The following NOS1 variants were observed in gnomAD, a reference collection of about 807,000 sequenced individuals.
NOS1 encodes the protein NOS type I.
Under a neutral mutation model 164.5 loss-of-function variants are expected in NOS1, and 51 were observed. That is an observed-to-expected ratio of 0.31 (90% CI 0.25 to 0.39). NOS1 has a LOEUF of 0.39. Ranked by LOEUF, NOS1 falls within the 10% of genes least tolerant of loss-of-function variation. NOS1 has a pLI of 1.00. For synonymous variants in NOS1, 719 were observed against 745.8 expected (o/e 0.96, Z 0.59); for missense variants, 1,362 against 1,885.6 (o/e 0.72, Z 5.14).
In NOS1 at chr12:117,288,215, G is replaced by A. The variant is rs779912233; in HGVS notation, c.986C>T (p.Thr329Met). Residue 329 changes from threonine to methionine, a missense_variant, in exon 5 of 29, where the codon ACG (threonine) becomes ATG (methionine). By Grantham distance (81) the Thr-to-Met change is moderately conservative. This residue lies in a region of NOS1 where 129 missense variants were observed against 186.0 expected (regional missense o/e 0.69). Coordinates refer to ENST00000317775, the MANE Select transcript of NOS1 (RefSeq NM_000620.5). ...DTLHLKSTLETGCTEYICMGS... is the reference protein window; with the variant it reads ...DTLHLKSTLEMGCTEYICMGS... The stretch of plus-strand genomic sequence containing the variant: ...CATGCAGATGTACTCAGTGCATCCC[G>A]TTTCCTGGAAGATCAAGAGATTTGG... 2.7e-5 allele frequency: 44 copies of A among 1,611,252 alleles called. No homozygotes were observed. The highest frequency in any genetic ancestry group is 1.5e-4 in the Admixed American group (9 of 59,952).
intron 9 of NOS1, among the ~76,000 whole-genome samples, chr12:117,275,450 G>T (rs1873105892): frequency 6.6e-6 from 1 of 152,094 alleles, no homozygotes; most frequent in South Asian, 2.1e-4. Context: ...TACAAAAAAA[G>T]TTGATCTCAT....
intron 1 of NOS1, among the ~76,000 whole-genome samples, chr12:117,340,871 C>CTTTTTTTTTTTTTTTTTTT (rs775978271): frequency 3.1e-5 from 3 of 96,434 alleles, no homozygotes; most frequent in South Asian, 3.6e-4. Context: ...TCACACCTGG[C>CTTTTTTTTTTTTTTTTTTT]TATTTTTTTT....
chr12:117,322,743 C>T (rs1875041361), intron 2 of NOS1, among the ~76,000 whole-genome samples: 1 of 124,468 alleles, frequency 8.0e-6, no homozygotes, highest in South Asian at 2.8e-4. Flanking sequence ...CCTCCCTTCC[C>T]TCCCCACTTC....
intron 1 of NOS1, among the ~76,000 whole-genome samples, chr12:117,343,927 T>A (rs960561182): frequency 6.6e-6 from 1 of 152,240 alleles, no homozygotes; most frequent in East Asian, 1.9e-4. Context: ...TAGGCCTGAA[T>A]CAGTTACAAA....
chr12:117,352,100 A>T (rs374340922), intron 1 of NOS1, among the ~76,000 whole-genome samples: 2 of 152,146 alleles, frequency 1.3e-5, no homozygotes, highest in African/African-American at 4.8e-5. Context: ...CTGAGCCAGG[A>T]AAGTTGAGGT....
At chr12:117,271,262 C>G (rs1239932595) in intron 10 of NOS1, among the ~76,000 whole-genome samples, 2 of 151,196 alleles carry the variant, frequency 1.3e-5, no homozygotes, top group African/African-American at 4.9e-5. Flanking sequence ...CTGTTTTCCA[C>G]AGTGATACCG....
intron 27 of NOS1, among the ~76,000 whole-genome samples, chr12:117,218,580 G>A (rs1956647756): frequency 6.6e-6 from 1 of 152,098 alleles, no homozygotes; most frequent in Non-Finnish European, 1.5e-5. Flanking sequence ...AGAAGAAAGG[G>A]GAGGAAGGAA....
chr12:117,253,483 G>A (rs1008727671), intron 17 of NOS1, among the ~76,000 whole-genome samples, 155 bp downstream of exon 17: 1 of 152,074 alleles, frequency 6.6e-6, no homozygotes, highest in African/African-American at 2.4e-5. Context: ...GACTTAATGG[G>A]TGGGAGGGGT....
chr12:117,297,951 A>G (rs1171321880), intron 3 of NOS1, among the ~76,000 whole-genome samples: 5 of 152,162 alleles, frequency 3.3e-5, no homozygotes, highest in African/African-American at 1.2e-4. Flanking sequence ...CTATTATGGC[A>G]GCAGTCCTCA....
chr12:117,293,557 G>T (rs1873201116), intron 3 of NOS1, among the ~76,000 whole-genome samples: 1 of 151,962 alleles, frequency 6.6e-6, no homozygotes, highest in South Asian at 2.1e-4. Flanking sequence ...TATTATAAAT[G>T]TTATTATTAT....
At chr12:117,300,497 T>C (rs1434718156) in intron 3 of NOS1, among the ~76,000 whole-genome samples, 1 of 152,182 alleles carries the variant, frequency 6.6e-6, no homozygotes, top group African/African-American at 2.4e-5. Flanking sequence ...GCTGGCCTCT[T>C]GGCTCAGTGA....
chr12:117,337,688 G>C (rs1490853992), intron 1 of NOS1, among the ~76,000 whole-genome samples: 1 of 152,100 alleles, frequency 6.6e-6, no homozygotes. Context: ...GGCATGGTGG[G>C]GGTAGCATGG....
rs1566079597 is a variant in NOS1 at position 117,331,119 on chromosome 12, G to A, written c.-50C>T. The A allele has an allele frequency of 6.4e-7, 1 of 1,557,676 alleles. No homozygotes were observed. Among genetic ancestry groups the A allele is most frequent in the Non-Finnish European group, 8.7e-7 (1 of 1,149,306 alleles). ...GTCTGAAGACCTCACAATGCTATCA[G>A]GCCAAGATGATTTCACCAGGAGGAT... On this transcript the variant is annotated 5_prime_UTR_variant, in exon 2 of 29. Coordinates refer to ENST00000317775, the MANE Select transcript of NOS1 (RefSeq NM_000620.5).
At chr12:117,353,841 T>C (rs1296623496) in intron 1 of NOS1, among the ~76,000 whole-genome samples, 2 of 152,170 alleles carry the variant, frequency 1.3e-5, no homozygotes, top group Non-Finnish European at 2.9e-5. Flanking sequence ...GGCTCAGGCC[T>C]GTAATCCCAG....
chr12:117,247,922 G>A (rs1380471574), intron 17 of NOS1, among the ~76,000 whole-genome samples: 2 of 150,360 alleles, frequency 1.3e-5, no homozygotes, highest in African/African-American at 4.9e-5. Context: ...CTCCAGCCTG[G>A]GTGACAGAGC....
chr12:117,322,544 TTTCC>T (rs1221052716), intron 2 of NOS1, among the ~76,000 whole-genome samples: 1 of 100,366 alleles, frequency 1.0e-5, no homozygotes, highest in African/African-American at 3.8e-5. Flanking sequence ...TCTCTCCTTC[TTTCC>T]TTCCTTCCCT....
chr12:117,339,324 T>C lies in NOS1; in HGVS notation c.-420-7835A>G, dbSNP rs1001087. 5.3e-3 allele frequency among the ~76,000 whole-genome samples: 803 copies of C among 152,232 alleles called. 6 individuals carry two copies. Among genetic ancestry groups the C allele is most frequent in the East Asian group, 0.04 (207 of 5,182 alleles). ...ACCTCTGATGCCCATATCTCAGAGGTAGTAACAGGCTCAGCTTAGAGTTAC... is the reference window on the plus strand; with the variant it reads ...ACCTCTGATGCCCATATCTCAGAGGCAGTAACAGGCTCAGCTTAGAGTTAC... On this transcript the variant is annotated intron_variant, in intron 1 of 28. Coordinates refer to ENST00000317775, the MANE Select transcript of NOS1 (RefSeq NM_000620.5).
In NOS1 at chr12:117,312,139, T is replaced by C. The variant is rs138820973; in HGVS notation, c.726-547A>G. Among the ~76,000 whole-genome samples the C allele has an allele frequency of 3.3e-3, 501 of 152,304 alleles. 3 individuals carry two copies. Among genetic ancestry groups the C allele is most frequent in the Non-Finnish European group, 5.7e-3 (389 of 68,026 alleles). Reference sequence around the variant, plus strand: ...AATGATTCGGAAAATAAAGGGAACATAATGACAAAAATAATAATACTATTA... The same window carrying C: ...AATGATTCGGAAAATAAAGGGAACACAATGACAAAAATAATAATACTATTA... On this transcript the variant is annotated intron_variant, in intron 2 of 28. Coordinates refer to ENST00000317775, the MANE Select transcript of NOS1 (RefSeq NM_000620.5).
At chr12:117,289,763 G>C (rs956990053) in intron 4 of NOS1, among the ~76,000 whole-genome samples, 1 of 152,152 alleles carries the variant, frequency 6.6e-6, no homozygotes, top group South Asian at 2.1e-4. Flanking sequence ...TGCTTATCTG[G>C]GAGGGAGAGT....
Sources: allele counts gnomAD v4.1 joint callset (sites outside exome capture counted in the v4.1 genomes callset), GRCh38; gene constraint gnomAD v4.1.1; regional missense constraint gnomAD v4.1.1; transcripts MANE v1.5; gene names NCBI Gene and HGNC (gene_info 2026-07-23, HGNC 2026-07-21).